The following CCDC14 variants were observed in gnomAD, a reference collection of about 807,000 sequenced individuals.
CCDC14 encodes the protein coiled-coil domain-containing protein 14.
In CCDC14, 71 loss-of-function variants were observed where a neutral mutation model predicts 81.4. The ratio of observed to expected loss-of-function variants is 0.87; its 90% CI spans 0.72 to 1.06. The LOEUF (loss-of-function observed/expected upper bound fraction) is 1.06, where lower values mean the gene tolerates loss of function less well. CCDC14 is among the 50% of genes least tolerant of loss of function. The pLI is 0.00. For synonymous variants in CCDC14, 332 were observed against 364.8 expected (o/e 0.91, Z 1.03); for missense variants, 1,046 against 1,047.3 (o/e 1.00, Z 0.02).
intron 1 of CCDC14, chr3:123,958,252 A>G (rs2037460120): frequency 6.6e-6 from 1 of 152,148 alleles, no homozygotes. Context: ...CCATGACACT[A>G]TAATACTATA....
chr3:123,923,768 A>G (rs2035190867), intron 12 of CCDC14, among the ~76,000 whole-genome samples: 1 of 151,072 alleles, frequency 6.6e-6, no homozygotes, highest in South Asian at 2.1e-4. Context: ...ACTAAAAACT[A>G]TGAAACACTG....
Position 123,933,744 on chromosome 3 carries a change from A to G in CCDC14, c.1355T>C (p.Ile452Thr), listed in dbSNP as rs372095632. Residue 452 changes from isoleucine (I) to threonine (T), a missense_variant, in exon 10 of 13, where the codon ATT becomes ACT. Transcript: ENST00000409697. ...TTGTTCTCTGAGTTGCTGGTTCAAA[A>G]TTCTCAACTGCCTAAAGAAATAATG... ...ENAQLRRQLR[I>T]LNQQLREQQK... 6.4e-7 allele frequency: 1 copy of G among 1,564,994 alleles called. No homozygotes were observed. The highest frequency in any genetic ancestry group is 8.7e-7 in the Non-Finnish European group (1 of 1,152,460).
At chr3:123,923,751 A>C (rs2035188531) in intron 12 of CCDC14, among the ~76,000 whole-genome samples, 1 of 150,966 alleles carries the variant, frequency 6.6e-6, no homozygotes, top group African/African-American at 2.4e-5. Context: ...ATATATTATT[A>C]GTATATACTA....
chr3:123,920,480 T>C (rs1196101745), intron 12 of CCDC14, among the ~76,000 whole-genome samples: 1 of 151,992 alleles, frequency 6.6e-6, no homozygotes, highest in Non-Finnish European at 1.5e-5. Context: ...CAAAGATAAC[T>C]GTTAAAATTC....
At chr3:123,944,543 T>C (rs2036526611) in intron 9 of CCDC14, among the ~76,000 whole-genome samples, 2 of 152,158 alleles carry the variant, frequency 1.3e-5, no homozygotes, top group Non-Finnish European at 2.9e-5. Context: ...AAATGAGATT[T>C]AGAAGTTCGT....
chr3:123,930,933 A>G (rs1040852014), intron 12 of CCDC14, 169 bp downstream of exon 12: 1 of 601,342 alleles, frequency 1.7e-6, no homozygotes, highest in Non-Finnish European at 2.7e-6. Flanking sequence ...TGAAATTCCT[A>G]AACTAATTTA....
chr3:123,932,821 A>G (rs1559782317), intron 10 of CCDC14, among the ~76,000 whole-genome samples: 1 of 152,168 alleles, frequency 6.6e-6, no homozygotes. Context: ...AATGCTGGCC[A>G]GGCGTGGTGG....
chr3:123,886,560 G>A, the CCDC14 span, among the ~76,000 whole-genome samples: 1 of 152,050 alleles, frequency 6.6e-6, no homozygotes, highest in Non-Finnish European at 1.5e-5. Context: ...ACCACACCCA[G>A]CTAATTTTTG....
At chr3:123,949,790 C>T (rs995885869) in intron 5 of CCDC14, among the ~76,000 whole-genome samples, 4 of 152,194 alleles carry the variant, frequency 2.6e-5, no homozygotes, top group Non-Finnish European at 4.4e-5. Flanking sequence ...TCTGAGTTTT[C>T]TTCTTCCATG....
chr3:123,895,143 G>A (rs2034039383), downstream of CCDC14, among the ~76,000 whole-genome samples: 2 of 152,118 alleles, frequency 1.3e-5, no homozygotes, highest in Admixed American at 6.6e-5. Context: ...AATTTTCCTT[G>A]GCTTGGTGGG....
chr3:123,889,311 C>G, the CCDC14 span, among the ~76,000 whole-genome samples: 1 of 152,098 alleles, frequency 6.6e-6, no homozygotes, highest in South Asian at 2.1e-4. Context: ...TACTTGGAGG[C>G]TGAGGCAGGA....
intron 5 of CCDC14, among the ~76,000 whole-genome samples, chr3:123,898,169 G>A (rs1209080992): frequency 2.0e-5 from 3 of 152,182 alleles, no homozygotes; most frequent in African/African-American, 7.2e-5. Flanking sequence ...CCTTGCACAA[G>A]TGACTTAATT....
chr3:123,956,016 G>A (rs754529458), intron 4 of CCDC14, 30 bp downstream of exon 4: 3 of 1,531,766 alleles, frequency 2.0e-6, no homozygotes, highest in Non-Finnish European at 2.6e-6. Flanking sequence ...TTGAGATAAG[G>A]TGATCAGCAA....
chr3:123,914,035 T>G lies in CCDC14; in HGVS notation c.*744A>C, dbSNP rs1161906583. 1.0e-6 allele frequency: 1 copy of G among 984,718 alleles called. No individual in the cohort carries two copies. Among genetic ancestry groups the G allele is most frequent in the Non-Finnish European group, 1.2e-6 (1 of 829,120 alleles). The allele number at this position is 984,718 out of a possible 1,614,324, so 61.0% of individuals were successfully genotyped here. On this transcript the variant is annotated 3_prime_UTR_variant, in exon 13 of 13. Coordinates refer to ENST00000409697, the MANE Select transcript of CCDC14 (RefSeq NM_001366335.1). ...TTACAAATTCCATCATGTTTAAATA[T>G]AAGGACAAAAATAAACATTTCTTAT... is the stretch of plus-strand genomic sequence containing the variant.
chr3:123,946,589 C>G lies in CCDC14; in HGVS notation c.1201+214G>C, dbSNP rs186164387. Among the ~76,000 whole-genome samples the G allele has an allele frequency of 4.1e-4, 62 of 152,148 alleles. No individual in the cohort carries two copies. In the South Asian group the frequency reaches 0.012, roughly 30 times the overall value. On this transcript the variant is annotated intron_variant, in intron 8 of 12. Coordinates refer to ENST00000409697, the MANE Select transcript of CCDC14 (RefSeq NM_001366335.1). Reference sequence around the variant, plus strand: ...TAAATACACACTTGCAAGCAAAAGACTGAATGTTTGACATTCTCAAACGCA... The same window carrying G: ...TAAATACACACTTGCAAGCAAAAGAGTGAATGTTTGACATTCTCAAACGCA...
In CCDC14 at chr3:123,942,559, G is replaced by A. The variant is rs116603836; in HGVS notation, c.1343+2290C>T. Among the ~76,000 whole-genome samples the A allele has an allele frequency of 8.4e-3, 1,282 of 152,052 alleles. 23 individuals are homozygous for A. The highest frequency in any genetic ancestry group is 0.029 in the African/African-American group (1,195 of 41,488). ...TCATGCCTCTACAGGCTCCAGATAC[G>A]TATATTTTAGCTATGCTCCAACTAT... On this transcript the variant is annotated intron_variant, in intron 9 of 12. Coordinates refer to ENST00000409697, the MANE Select transcript of CCDC14 (RefSeq NM_001366335.1).
At chr3:123,939,577 C>CT (rs2036244107) in intron 9 of CCDC14, among the ~76,000 whole-genome samples, 1 of 149,108 alleles carries the variant, frequency 6.7e-6, no homozygotes, top group Non-Finnish European at 1.5e-5. Context: ...GTTCTGTTCT[C>CT]TTTTTTCAGG....
At position 123,931,334 on chromosome 3, in the gene CCDC14, T is replaced by A. The variant is rs2035695259; in HGVS notation, c.1619A>T (p.Asp540Val). 1 of 1,521,554 alleles carries A rather than the reference T, an allele frequency of 6.6e-7. No individual in the cohort carries two copies. The highest frequency in any genetic ancestry group is 2.0e-5 in the Admixed American group (1 of 50,754). The allele number at this position is 1,521,554 out of a possible 1,614,324, so 94.3% of individuals were successfully genotyped here. A position where few individuals can be genotyped will look rare whatever the true frequency, so the allele number is the denominator to read the frequency against. Residue 540 changes from aspartate (D) to valine (V), a missense_variant, in exon 11 of 13, where the codon GAT becomes GTT. Physicochemically the swap from Asp to Val is radical, Grantham distance 152. Coordinates refer to ENST00000409697, the MANE Select transcript of CCDC14 (RefSeq NM_001366335.1). ...AATTTTTATTCTTGTTATCTCAATATCATATTGCTGTTTATTTTCAAGTAT... is the reference window on the plus strand; with the variant it reads ...AATTTTTATTCTTGTTATCTCAATAACATATTGCTGTTTATTTTCAAGTAT... ...QTILENKQQY[D>V]IEITRIKIEL...
intron 8 of CCDC14, among the ~76,000 whole-genome samples, chr3:123,946,302 T>C (rs1402653582): frequency 6.6e-6 from 1 of 151,940 alleles, no homozygotes; most frequent in African/African-American, 2.4e-5. Flanking sequence ...AGAAACACCT[T>C]GATTTAAGAA....
Sources: gnomAD v4.1 joint callset for allele counts (sites outside exome capture counted in the v4.1 genomes callset) on GRCh38, gnomAD v4.1.1 for gene constraint, MANE v1.5 for transcripts, NCBI Gene and HGNC (gene_info 2026-07-23, HGNC 2026-07-21) for gene names.